GABRG3: variants seen among roughly 807,000 people sequenced by gnomAD.
The protein encoded by GABRG3 is gamma-aminobutyric acid receptor subunit gamma-3.
Under a neutral mutation model 48.8 loss-of-function variants are expected in GABRG3, and 25 were observed. The ratio of observed to expected loss-of-function variants is 0.51; its 90% CI spans 0.37 to 0.72. The LOEUF is 0.72. Among genes scored for constraint, GABRG3 ranks in the 30% least tolerant of loss-of-function variants. The pLI, the probability that GABRG3 is intolerant of heterozygous loss-of-function variation, is 0.00. For missense variants in GABRG3, 394 were observed against 577.9 expected (o/e 0.68, Z 3.26); for synonymous variants, 227 against 217.6 (o/e 1.04, Z -0.38).
chr15:27,191,879 A>AT (rs1888322832), intron 3 of GABRG3, among the ~76,000 whole-genome samples: 2 of 151,204 alleles, frequency 1.3e-5, no homozygotes, highest in African/African-American at 4.9e-5. Context: ...TTTCCTTTCT[A>AT]TGTTTAGTGC....
At chr15:27,471,798 A>G (rs771631588) in intron 5 of GABRG3, among the ~76,000 whole-genome samples, 1 of 152,194 alleles carries the variant, frequency 6.6e-6, no homozygotes, top group Non-Finnish European at 1.5e-5. Flanking sequence ...ACTAATCCCA[A>G]GAGAAGTTTC....
chr15:27,002,624 A>G (rs1370038941), intron 2 of GABRG3, among the ~76,000 whole-genome samples: 1 of 151,900 alleles, frequency 6.6e-6, no homozygotes, highest in Non-Finnish European at 1.5e-5. Context: ...AATAAAAGCC[A>G]TGCAGCTGGA....
intron 5 of GABRG3, among the ~76,000 whole-genome samples, chr15:27,407,071 G>T (rs569078507): frequency 6.6e-6 from 1 of 151,980 alleles, no homozygotes; most frequent in Non-Finnish European, 1.5e-5. Flanking sequence ...GCGATTAGGG[G>T]CACGTGCGAC....
chr15:27,166,453 T>A (rs1490113428), intron 3 of GABRG3, among the ~76,000 whole-genome samples: 2 of 152,132 alleles, frequency 1.3e-5, no homozygotes, highest in Non-Finnish European at 2.9e-5. Context: ...TGAAAGGTGT[T>A]TCTGTCTTCT....
intron 2 of GABRG3, among the ~76,000 whole-genome samples, chr15:27,021,734 T>A (rs1895899475): frequency 6.6e-6 from 1 of 152,120 alleles, no homozygotes; most frequent in Non-Finnish European, 1.5e-5. Flanking sequence ...TCCTAGTTAC[T>A]TAGGAGGCTG....
chr15:27,278,854 C>CTTTTGTTTTG (rs201452260), intron 3 of GABRG3, among the ~76,000 whole-genome samples: 1 of 152,016 alleles, frequency 6.6e-6, no homozygotes, highest in Admixed American at 6.6e-5. Flanking sequence ...TGTATGTTTG[C>CTTTTGTTTTG]TTTTGTTTTG....
At chr15:27,100,118 T>C (rs1006411381) in intron 3 of GABRG3, among the ~76,000 whole-genome samples, 5 of 150,676 alleles carry the variant, frequency 3.3e-5, no homozygotes, top group South Asian at 4.2e-4. Flanking sequence ...CTGGGGAGGC[T>C]GAGGCAGGAG....
At chr15:27,006,838 G>T (rs1436707689) in intron 2 of GABRG3, among the ~76,000 whole-genome samples, 1 of 135,948 alleles carries the variant, frequency 7.4e-6, no homozygotes, top group African/African-American at 2.7e-5. Context: ...GATCTCGTTT[G>T]TTTTTTTTTT....
At chr15:27,005,325 C>T (rs146764606) in intron 2 of GABRG3, among the ~76,000 whole-genome samples, 2,974 of 152,114 alleles carry the variant, frequency 0.02, 40 homozygotes, top group Non-Finnish European at 0.03. Context: ...CTCAGCCTCC[C>T]GAGTAGCTGG....
intron 3 of GABRG3, among the ~76,000 whole-genome samples, chr15:27,308,497 T>TTTTATATAAACATAATGTAAACATACATG (rs1422182683): frequency 2.0e-5 from 3 of 148,056 alleles, no homozygotes; most frequent in Non-Finnish European, 3.0e-5. Context: ...AACATACATG[T>TTTTATATAAACATAATGTAAACATACATG]TTTATATAAA....
intron 3 of GABRG3, among the ~76,000 whole-genome samples, chr15:27,279,731 T>A (rs1013091977): frequency 5.9e-5 from 9 of 152,132 alleles, no homozygotes; most frequent in South Asian, 2.1e-4. Context: ...CTTTAAAAAA[T>A]TTTTTTAGCT....
At chr15:27,342,052 C>T (rs144586159) in intron 5 of GABRG3, among the ~76,000 whole-genome samples, 273 of 152,290 alleles carry the variant, frequency 1.8e-3, no homozygotes, top group African/African-American at 6.4e-3. Flanking sequence ...TAAATGCCAG[C>T]GAGTGAAGCT....
chr15:27,228,845 T>C (rs57480638), intron 3 of GABRG3, among the ~76,000 whole-genome samples: 5,845 of 152,290 alleles, frequency 0.038, 315 homozygotes, highest in African/African-American at 0.11. Flanking sequence ...CATGTTTGTT[T>C]GCTGCATGTA....
chr15:27,286,486 C>T (rs545391365), intron 3 of GABRG3, among the ~76,000 whole-genome samples: 5 of 152,108 alleles, frequency 3.3e-5, no homozygotes, highest in Admixed American at 6.5e-5. Flanking sequence ...CAAAGGAAGT[C>T]GGTCAAATGT....
chr15:27,148,599 T>C (rs1898253294), intron 3 of GABRG3, among the ~76,000 whole-genome samples: 1 of 151,886 alleles, frequency 6.6e-6, no homozygotes. Context: ...TTGCAAAGAT[T>C]CTCAACAAAA....
In GABRG3 at chr15:27,533,062, A is replaced by G; in HGVS notation, c.*181A>G. On this transcript the variant is annotated 3_prime_UTR_variant, in exon 10 of 10. Coordinates refer to ENST00000615808, the MANE Select transcript of GABRG3 (RefSeq NM_033223.5). ...AAGGTTTCTATTATGTATTTTACAC[A>G]CACACATACATACACACACACAGCT... 1.7e-6 allele frequency: 1 copy of G among 594,210 alleles called. No homozygotes were observed. The highest frequency in any genetic ancestry group is 3.0e-6 in the Non-Finnish European group (1 of 335,682). 36.8% of individuals were successfully genotyped at this position (594,210 alleles called of 1,614,324 possible).
At chr15:27,430,797 C>G (rs886855084) in intron 5 of GABRG3, among the ~76,000 whole-genome samples, 3 of 151,964 alleles carry the variant, frequency 2.0e-5, no homozygotes, top group African/African-American at 7.2e-5. Flanking sequence ...CATGACCAGC[C>G]TGGCCAACAT....
rs375298491 is a variant in GABRG3 at position 27,521,995 on chromosome 15, G to C, written c.865+1871G>C. Among the ~76,000 whole-genome samples, 5 of 152,044 alleles carry C rather than the reference G, an allele frequency of 3.3e-5. No individual in the cohort carries two copies. In the East Asian group the frequency reaches 9.6e-4, roughly 29 times the overall value. Reference sequence around the variant, plus strand: ...AGTGGTTAAGAAATTCCAATGTTTGGTGAAAAACATCAGCCTACAAATTCA... The same window carrying C: ...AGTGGTTAAGAAATTCCAATGTTTGCTGAAAAACATCAGCCTACAAATTCA... On this transcript the variant is annotated intron_variant, in intron 7 of 9. Transcript: ENST00000615808.
At chr15:27,259,802 G>A (rs909386640) in intron 3 of GABRG3, among the ~76,000 whole-genome samples, 1 of 152,168 alleles carries the variant, frequency 6.6e-6, no homozygotes, top group Non-Finnish European at 1.5e-5. Flanking sequence ...CTTGGAAGGT[G>A]GAAGGCAGGT....
Sources: allele counts gnomAD v4.1 joint callset (sites outside exome capture counted in the v4.1 genomes callset), GRCh38; gene constraint gnomAD v4.1.1; transcripts MANE v1.5; gene names NCBI Gene and HGNC (gene_info 2026-07-23, HGNC 2026-07-21).